The following FAM53A variants were observed in gnomAD, a reference collection of about 807,000 sequenced individuals.
The protein encoded by FAM53A is family with sequence similarity 53 member A.
A neutral mutation model predicts 26.6 loss-of-function variants in FAM53A; 28 were observed. That is an observed-to-expected ratio of 1.05 (90% CI 0.78 to 1.45). The LOEUF is 1.45. Among genes scored for constraint, FAM53A ranks in the 40% most tolerant of loss-of-function variants. FAM53A has a pLI of 0.00. For missense variants in FAM53A, 650 were observed against 575.8 expected, an observed-to-expected ratio of 1.13 and a Z score of -1.32; for synonymous variants, 290 against 253.1, an observed-to-expected ratio of 1.15 and a Z score of -1.38.
chr4:1,637,688 G>A (rs1715908849), downstream of FAM53A, among the ~76,000 whole-genome samples: 1 of 152,108 alleles, frequency 6.6e-6, no homozygotes, highest in African/African-American at 2.4e-5. Flanking sequence ...CTGGGGGCTA[G>A]GGGCAGGGAG....
At chr4:1,677,149 C>T (rs1335504060) in intron 1 of FAM53A, among the ~76,000 whole-genome samples, 3 of 152,276 alleles carry the variant, frequency 2.0e-5, no homozygotes, top group East Asian at 1.9e-4. Flanking sequence ...CTCTTCTCTC[C>T]TCCACTTCTG....
intron 1 of FAM53A, among the ~76,000 whole-genome samples, chr4:1,621,043 A>C (rs1427987373): frequency 6.6e-6 from 1 of 151,748 alleles, no homozygotes; most frequent in Non-Finnish European, 1.5e-5. Context: ...TTCAGGAAGC[A>C]AGAAAGAAGG....
chr4:1,657,495 T>A (rs779059193), intron 2 of FAM53A, 27 bp from the exon 3 acceptor site: 2 of 1,604,728 alleles, frequency 1.2e-6, no homozygotes, highest in South Asian at 2.2e-5. Flanking sequence ...GTTTCAATAC[T>A]GTGACTGACA....
At chr4:1,680,691 T>A (rs1560217682) in intron 1 of FAM53A, among the ~76,000 whole-genome samples, 1 of 152,084 alleles carries the variant, frequency 6.6e-6, no homozygotes, top group South Asian at 2.1e-4. Context: ...TTTAAATGCA[T>A]GTCACTAAGT....
At chr4:1,652,490 C>A (rs757033804) in intron 4 of FAM53A, among the ~76,000 whole-genome samples, 3 of 147,394 alleles carry the variant, frequency 2.0e-5, no homozygotes, top group Admixed American at 6.8e-5. Context: ...ATACCACACA[C>A]GTCACAAACA....
chr4:1,682,080 C>T (rs1014819273), intron 1 of FAM53A, among the ~76,000 whole-genome samples: 4 of 152,138 alleles, frequency 2.6e-5, no homozygotes, highest in African/African-American at 9.7e-5. Flanking sequence ...AAACCACCCA[C>T]TTCATGAGGC....
At chr4:1,643,276 C>G (rs898878636) in intron 4 of FAM53A, among the ~76,000 whole-genome samples, 3 of 152,018 alleles carry the variant, frequency 2.0e-5, no homozygotes, top group East Asian at 1.9e-4. Context: ...ACCATCCTGG[C>G]TAACACGGTG....
At chr4:1,598,114 C>T in the FAM53A span, among the ~76,000 whole-genome samples, 14 of 152,384 alleles carry the variant, frequency 9.2e-5, no homozygotes, top group Middle Eastern at 3.4e-3. Flanking sequence ...AAGGCCACTG[C>T]TGCTGCCTAC....
intron 1 of FAM53A, among the ~76,000 whole-genome samples, chr4:1,677,293 C>A (rs1461795178): frequency 6.6e-6 from 1 of 152,150 alleles, no homozygotes; most frequent in African/African-American, 2.4e-5. Context: ...TGGCTCATGG[C>A]GCACTCTGCA....
At chr4:1,582,414 G>A in the FAM53A span, among the ~76,000 whole-genome samples, 1 of 152,228 alleles carries the variant, frequency 6.6e-6, no homozygotes, top group Non-Finnish European at 1.5e-5. Context: ...CAGAAGGGCA[G>A]GGAGTGAGCC....
At chr4:1,601,359 C>T in the FAM53A span, among the ~76,000 whole-genome samples, 5 of 113,388 alleles carry the variant, frequency 4.4e-5, 2 homozygotes, top group African/African-American at 1.4e-4. Context: ...CTTCCGGACA[C>T]ACCACCCTCA....
chr4:1,681,860 A>C (rs1560219982), intron 1 of FAM53A, among the ~76,000 whole-genome samples: 3 of 152,196 alleles, frequency 2.0e-5, no homozygotes, highest in Admixed American at 1.3e-4. Flanking sequence ...TGGTGAGAAC[A>C]GGCTGCACCA....
chr4:1,623,963 C>A (rs1039918152), intron 1 of FAM53A, among the ~76,000 whole-genome samples: 9 of 151,964 alleles, frequency 5.9e-5, no homozygotes, highest in Non-Finnish European at 2.9e-5. Context: ...CCCCGGGACC[C>A]TGGGGCATAC....
chr4:1,672,315 T>G (rs1299211083), intron 1 of FAM53A, among the ~76,000 whole-genome samples: 1 of 69,494 alleles, frequency 1.4e-5, no homozygotes, highest in African/African-American at 5.0e-5. Flanking sequence ...CATGAACCCA[T>G]GGACCCACAA....
the FAM53A span, among the ~76,000 whole-genome samples, chr4:1,601,858 A>C: frequency 8.5e-5 from 4 of 47,098 alleles, 1 homozygote; most frequent in Admixed American, 8.7e-4. Flanking sequence ...TGGCCAATCC[A>C]GCTAGAGCGA....
chr4:1,667,047 G>A (rs1461419982), intron 2 of FAM53A, among the ~76,000 whole-genome samples: 1 of 151,846 alleles, frequency 6.6e-6, no homozygotes, highest in Non-Finnish European at 1.5e-5. Flanking sequence ...AGAATTGCTT[G>A]AACCTGGGAG....
At chr4:1,652,241 C>T (rs1712898496) in intron 4 of FAM53A, among the ~76,000 whole-genome samples, 1 of 145,504 alleles carries the variant, frequency 6.9e-6, no homozygotes, top group East Asian at 2.1e-4. Flanking sequence ...GTCGCACACA[C>T]ACCACACACA....
chr4:1,602,842 G>C, the FAM53A span, among the ~76,000 whole-genome samples: 89 of 152,222 alleles, frequency 5.8e-4, 1 homozygote, highest in African/African-American at 1.9e-3. Context: ...GCAGGAGCCG[G>C]CTCCGGCGGG....
rs4865446 is a variant in FAM53A, at chr4:1,623,268, G to A, written c.432-5157C>T. Among the ~76,000 whole-genome samples, 1,506 of 152,332 alleles carry A rather than the reference G, an allele frequency of 9.9e-3. 71 individuals carry two copies. The highest frequency in any genetic ancestry group is 0.088 in the Admixed American group (1,341 of 15,302). ...TGAGATGGGCCCAAGCTCCCCCGAC[G>A]TGAAAGGCAGCTGCTCCGTCCTGGG... On this transcript the variant is annotated intron_variant, in intron 1 of 1. Coordinates refer to the FAM53A transcript ENST00000489029.
Sources: gnomAD v4.1 joint callset for allele counts (sites outside exome capture counted in the v4.1 genomes callset) on GRCh38, gnomAD v4.1.1 for gene constraint, MANE v1.5 for transcripts, NCBI Gene and HGNC (gene_info 2026-07-23, HGNC 2026-07-21) for gene names.